PREX1: variants seen among roughly 807,000 people sequenced by gnomAD.
PREX1 encodes phosphatidylinositol 3,4,5-trisphosphate-dependent Rac exchanger 1 protein.
In PREX1, 41 loss-of-function variants were observed where a neutral mutation model predicts 198.3. The observed-to-expected ratio is 0.21, with a 90% CI of 0.16 to 0.27. PREX1 has a LOEUF of 0.27. Ranked by LOEUF, PREX1 falls within the 10% of genes least tolerant of loss-of-function variation. PREX1 has a pLI of 1.00. For missense variants in PREX1, 1,620 were observed against 2,200.7 expected (o/e 0.74, Z 5.28); for synonymous variants, 843 against 887.2 (o/e 0.95, Z 0.89).
At chr20:48,679,812 C>A in intron 11 of PREX1, 58 bp from the exon 12 acceptor site, 1 of 1,385,494 alleles carries the variant, frequency 7.2e-7, no homozygotes, top group Non-Finnish European at 1.0e-6. Flanking sequence ...CTCCCAGCCA[C>A]GCCCCCCAGC....
intron 1 of PREX1, among the ~76,000 whole-genome samples, chr20:48,785,965 C>T (rs1303269513): frequency 1.3e-5 from 2 of 152,138 alleles, no homozygotes; most frequent in African/African-American, 2.4e-5. Context: ...ATGGATGGGC[C>T]GGTGCCTTCC....
At chr20:48,830,255 G>A (rs73260258), upstream of PREX1, among the ~76,000 whole-genome samples, 4,359 of 152,290 alleles carry the variant, frequency 0.029, 216 homozygotes, top group African/African-American at 0.1. Context: ...AGTACCAGCT[G>A]CTGGGCTGAG....
chr20:48,772,509 G>C (rs1004383528), intron 1 of PREX1, among the ~76,000 whole-genome samples: 16 of 152,182 alleles, frequency 1.1e-4, no homozygotes, highest in Non-Finnish European at 2.4e-4. Context: ...CCCAAATACT[G>C]CCCCAGCCAC....
intron 1 of PREX1, among the ~76,000 whole-genome samples, chr20:48,786,056 G>T (rs529776619): frequency 6.6e-6 from 1 of 152,344 alleles, no homozygotes; most frequent in African/African-American, 2.4e-5. Flanking sequence ...ACAGCAGGAA[G>T]AGAATGGGGC....
intron 33 of PREX1, 40 bp downstream of exon 33, chr20:48,634,636 A>T (rs903169382): frequency 6.3e-7 from 1 of 1,584,774 alleles, no homozygotes; most frequent in Non-Finnish European, 8.7e-7. Context: ...CCACCCCAGG[A>T]CCCCACCTCT....
chr20:48,664,843 C>A (rs2089624328), intron 15 of PREX1, among the ~76,000 whole-genome samples: 1 of 148,370 alleles, frequency 6.7e-6, no homozygotes, highest in Non-Finnish European at 1.5e-5. Context: ...AATTCTAATC[C>A]CGGCTCCAGA....
Position 48,625,765 on chromosome 20 carries a change from G to T in PREX1, c.*120C>A. 1 of 1,221,088 alleles carries T rather than the reference G, an allele frequency of 8.2e-7. No individual in the cohort carries two copies. The highest frequency in any genetic ancestry group is 1.1e-6 in the Non-Finnish European group (1 of 902,804). 75.6% of individuals were successfully genotyped at this position (1,221,088 alleles called of 1,614,324 possible). ...AGGAGGCAGGGAGGACGCTGGGCAG[G>T]TCCCGGAACGGGCGGCTGCGGAAGC... is the stretch of plus-strand genomic sequence containing the variant. On this transcript the variant is annotated 3_prime_UTR_variant, in exon 40 of 40. Coordinates refer to ENST00000371941, the MANE Select transcript of PREX1 (RefSeq NM_020820.4).
intron 2 of PREX1, among the ~76,000 whole-genome samples, chr20:48,746,389 A>G (rs1217315256): frequency 2.0e-5 from 3 of 152,226 alleles, no homozygotes; most frequent in African/African-American, 7.2e-5. Context: ...TAAAATATCC[A>G]TCCACAGGAG....
intron 1 of PREX1, among the ~76,000 whole-genome samples, chr20:48,761,682 C>T (rs2090181093): frequency 2.0e-5 from 3 of 152,188 alleles, no homozygotes; most frequent in South Asian, 4.1e-4. Flanking sequence ...CATCAAGGGG[C>T]TGGGGCCTGG....
intron 1 of PREX1, among the ~76,000 whole-genome samples, chr20:48,818,785 G>C (rs1407999131): frequency 6.6e-6 from 1 of 152,224 alleles, no homozygotes; most frequent in Non-Finnish European, 1.5e-5. Flanking sequence ...AAAACAAGGG[G>C]CACCTTCCTT....
intron 20 of PREX1, 147 bp downstream of exon 20, chr20:48,653,214 C>T (rs1441734558): frequency 7.8e-7 from 1 of 1,284,010 alleles, no homozygotes; most frequent in Non-Finnish European, 1.1e-6. Flanking sequence ...AAAGCTCAGG[C>T]CCAGCTCCCT....
chr20:48,682,895 T>A (rs964436220), intron 10 of PREX1, among the ~76,000 whole-genome samples: 3 of 152,156 alleles, frequency 2.0e-5, no homozygotes, highest in African/African-American at 7.2e-5. Flanking sequence ...CGCCTCCAAT[T>A]ACAGGGCCAG....
At chr20:48,837,826 T>C in the PREX1 span, among the ~76,000 whole-genome samples, 1 of 150,658 alleles carries the variant, frequency 6.6e-6, no homozygotes, top group East Asian at 1.9e-4. Context: ...AAAATAAAAG[T>C]TTAATGAGAG....
intron 30 of PREX1, 122 bp downstream of exon 30, chr20:48,639,644 T>C: frequency 7.0e-7 from 1 of 1,422,180 alleles, no homozygotes; most frequent in Non-Finnish European, 9.6e-7. Context: ...ACTTCTCTTG[T>C]CCTCTCCCTG....
chr20:48,841,949 C>G, the PREX1 span, among the ~76,000 whole-genome samples: 49 of 152,264 alleles, frequency 3.2e-4, no homozygotes, highest in Non-Finnish European at 1.0e-4. Flanking sequence ...ACTAATCCAT[C>G]TTTCATTCCC....
At chr20:48,868,678 A>G in the PREX1 span, among the ~76,000 whole-genome samples, 1 of 152,130 alleles carries the variant, frequency 6.6e-6, no homozygotes, top group African/African-American at 2.4e-5. Flanking sequence ...TCTCCCTCCT[A>G]CTACAGTTTC....
chr20:48,722,763 G>T (rs2089991725), intron 5 of PREX1, among the ~76,000 whole-genome samples: 1 of 152,216 alleles, frequency 6.6e-6, no homozygotes, highest in Admixed American at 6.5e-5. Flanking sequence ...TATGTCCCCT[G>T]CAGTCAGCCC....
intron 1 of PREX1, among the ~76,000 whole-genome samples, chr20:48,789,762 C>T (rs2090329447): frequency 6.6e-6 from 1 of 151,992 alleles, no homozygotes; most frequent in African/African-American, 2.4e-5. Flanking sequence ...GAATATTATA[C>T]AAATCATAAG....
chr20:48,737,958 T>TA (rs2122738789), intron 3 of PREX1, among the ~76,000 whole-genome samples: 1 of 152,336 alleles, frequency 6.6e-6, no homozygotes, highest in African/African-American at 2.4e-5. Context: ...TAAAGTCCTG[T>TA]ATTTGTTTAA....
Sources: gnomAD v4.1 joint callset for allele counts (sites outside exome capture counted in the v4.1 genomes callset) on GRCh38, gnomAD v4.1.1 for gene constraint, MANE v1.5 for transcripts, NCBI Gene and HGNC (gene_info 2026-07-23, HGNC 2026-07-21) for gene names.